The following LRFN5 variants were observed in gnomAD, a reference collection of about 807,000 sequenced individuals.
LRFN5 encodes the protein leucine-rich repeat and fibronectin type-III domain-containing protein 5.
Under a neutral mutation model 45.6 loss-of-function variants are expected in LRFN5, and 24 were observed. The observed-to-expected ratio is 0.53, with a 90% CI of 0.38 to 0.74. The LOEUF is 0.74. LRFN5 is among the 30% of genes least tolerant of loss of function. The pLI is 0.00. For missense variants in LRFN5, 776 were observed against 861.5 expected (o/e 0.90, Z 1.24); for synonymous variants, 340 against 313.8 (o/e 1.08, Z -0.88).
intron 2 of LRFN5, among the ~76,000 whole-genome samples, chr14:41,787,867 T>C (rs980186232): frequency 6.6e-6 from 1 of 152,104 alleles, no homozygotes; most frequent in African/African-American, 2.4e-5. Context: ...AGTGTCATGA[T>C]GTTTGGACTT....
intron 2 of LRFN5, among the ~76,000 whole-genome samples, chr14:41,788,239 A>C (rs1291983555): frequency 6.6e-6 from 1 of 152,164 alleles, no homozygotes; most frequent in South Asian, 2.1e-4. Flanking sequence ...ACCTTCTAAC[A>C]GCTTTAAATG....
intron 2 of LRFN5, among the ~76,000 whole-genome samples, chr14:41,885,045 T>C (rs982288580): frequency 2.6e-5 from 4 of 151,728 alleles, no homozygotes; most frequent in Non-Finnish European, 5.9e-5. Flanking sequence ...TCATGGTTTT[T>C]AAAACTTCAT....
chr14:41,876,280 T>TTC (rs955496836), intron 2 of LRFN5, among the ~76,000 whole-genome samples: 1 of 116,636 alleles, frequency 8.6e-6, no homozygotes, highest in Non-Finnish European at 1.7e-5. Flanking sequence ...TTTCTTTCTT[T>TTC]TTTTTTTTTT....
At chr14:41,857,058 A>G (rs556053871) in intron 2 of LRFN5, among the ~76,000 whole-genome samples, 1 of 152,150 alleles carries the variant, frequency 6.6e-6, no homozygotes, top group Admixed American at 6.5e-5. Context: ...TCACAACAAA[A>G]TTCAGTATTT....
intron 2 of LRFN5, among the ~76,000 whole-genome samples, chr14:41,772,944 A>G (rs1886143120): frequency 6.6e-6 from 1 of 152,182 alleles, no homozygotes; most frequent in South Asian, 2.1e-4. Context: ...TTTCTCCCGT[A>G]GACTACCCCA....
intron 1 of LRFN5, among the ~76,000 whole-genome samples, chr14:41,635,696 G>A (rs1175122764): frequency 6.6e-6 from 1 of 152,078 alleles, no homozygotes; most frequent in African/African-American, 2.4e-5. Context: ...TTAGAATAAG[G>A]GAACAGTATG....
chr14:41,693,145 C>G (rs569046817), intron 1 of LRFN5, among the ~76,000 whole-genome samples: 1 of 152,120 alleles, frequency 6.6e-6, no homozygotes. Flanking sequence ...AAGTGTAGAG[C>G]AAGTCTTGAA....
chr14:41,615,470 A>G (rs1309352608), intron 1 of LRFN5, among the ~76,000 whole-genome samples: 4 of 152,134 alleles, frequency 2.6e-5, no homozygotes, highest in Non-Finnish European at 2.9e-5. Flanking sequence ...TTTTCTGTAT[A>G]TCGTGATTTC....
Position 41,767,028 on chromosome 14 carries a change from A to C in LRFN5, c.-22A>C. On this transcript the variant is annotated splice_region_variant and 5_prime_UTR_variant, in exon 2 of 6. Coordinates refer to ENST00000298119, the MANE Select transcript of LRFN5 (RefSeq NM_152447.5). ...CCGTGAGGAACTCTTCAGGCTCCAGAAGTAAGTTGATTGCATTCAGTTCAA... is the reference window on the plus strand; with the variant it reads ...CCGTGAGGAACTCTTCAGGCTCCAGCAGTAAGTTGATTGCATTCAGTTCAA... 6.6e-6 allele frequency: 1 copy of C among 152,578 alleles called. No individual in the cohort carries two copies. The highest frequency in any genetic ancestry group is 1.5e-5 in the Non-Finnish European group (1 of 68,030). 9.5% of individuals were successfully genotyped at this position (152,578 alleles called of 1,614,324 possible).
intron 4 of LRFN5, among the ~76,000 whole-genome samples, chr14:41,897,595 A>T (rs1201251566): frequency 6.6e-6 from 1 of 152,126 alleles, no homozygotes; most frequent in Non-Finnish European, 1.5e-5. Context: ...TTACTATGAA[A>T]ACATAGATTT....
At chr14:41,789,331 T>C (rs544897718) in intron 2 of LRFN5, among the ~76,000 whole-genome samples, 2 of 152,110 alleles carry the variant, frequency 1.3e-5, no homozygotes, top group South Asian at 4.1e-4. Context: ...AATTCCAGTA[T>C]ATGGATAATA....
chr14:41,783,829 T>G (rs1190706142), intron 2 of LRFN5, among the ~76,000 whole-genome samples: 1 of 152,172 alleles, frequency 6.6e-6, no homozygotes, highest in African/African-American at 2.4e-5. Flanking sequence ...AGCGTTTTAG[T>G]TTCATAATGG....
At chr14:41,869,720 A>G (rs1889955309) in intron 2 of LRFN5, among the ~76,000 whole-genome samples, 1 of 152,036 alleles carries the variant, frequency 6.6e-6, no homozygotes, top group African/African-American at 2.4e-5. Context: ...CAGACAAGAG[A>G]GAGCTTGTGC....
At chr14:41,639,017 T>A (rs1879437638) in intron 1 of LRFN5, among the ~76,000 whole-genome samples, 1 of 152,058 alleles carries the variant, frequency 6.6e-6, no homozygotes, top group African/African-American at 2.4e-5. Flanking sequence ...TCATTATATT[T>A]ACAGTAAATA....
At chr14:41,781,665 GGAAAGAAA>G (rs1313209632) in intron 2 of LRFN5, among the ~76,000 whole-genome samples, 1 of 141,158 alleles carries the variant, frequency 7.1e-6, no homozygotes, top group South Asian at 2.2e-4. Flanking sequence ...AAGAAAGAAA[GGAAAGAAA>G]GAAAGAAAGA....
At chr14:41,860,980 A>C (rs1222478389) in intron 2 of LRFN5, among the ~76,000 whole-genome samples, 17 of 152,236 alleles carry the variant, frequency 1.1e-4, no homozygotes, top group Non-Finnish European at 1.5e-5. Context: ...TAAGAAAAGT[A>C]ATTCTGCTCA....
At chr14:41,788,126 A>C (rs1886794480) in intron 2 of LRFN5, among the ~76,000 whole-genome samples, 1 of 152,092 alleles carries the variant, frequency 6.6e-6, no homozygotes, top group African/African-American at 2.4e-5. Flanking sequence ...ATGTTGTATA[A>C]GCTGCTCAGT....
intron 1 of LRFN5, among the ~76,000 whole-genome samples, chr14:41,627,886 A>T (rs1034711095): frequency 6.6e-6 from 1 of 151,202 alleles, no homozygotes; most frequent in Non-Finnish European, 1.5e-5. Context: ...AATTGTATAC[A>T]TTTTTTTTTC....
chr14:41,689,833 T>C (rs1277745107), intron 1 of LRFN5, among the ~76,000 whole-genome samples: 4 of 142,142 alleles, frequency 2.8e-5, no homozygotes, highest in African/African-American at 1.1e-4. Context: ...AGGCGGAGCT[T>C]GCAGTGAGCC....
Sources: gnomAD v4.1 joint callset for allele counts (sites outside exome capture counted in the v4.1 genomes callset) on GRCh38, gnomAD v4.1.1 for gene constraint, MANE v1.5 for transcripts, NCBI Gene and HGNC (gene_info 2026-07-23, HGNC 2026-07-21) for gene names.